LRRC56: variants seen among roughly 807,000 people sequenced by gnomAD.
LRRC56 encodes leucine rich repeat containing 56.
LRRC56 carries 41 observed loss-of-function variants against 47.8 expected under a neutral mutation model. The ratio of observed to expected loss-of-function variants is 0.86; its 90% confidence interval spans 0.67 to 1.11. The LOEUF is 1.11. Among genes scored for constraint, LRRC56 ranks in the 50% most tolerant of loss-of-function variants. The probability of loss-of-function intolerance (pLI) is 0.00; values close to 1 mark genes in which losing one functional copy is unlikely to be tolerated. For synonymous variants in LRRC56, 387 were observed against 311.2 expected (o/e 1.24, Z -2.56); for missense variants, 759 against 704.2 (o/e 1.08, Z -0.88).
chr11:521,027 T>TAA, the LRRC56 span, among the ~76,000 whole-genome samples: 1 of 152,362 alleles, frequency 6.6e-6, no homozygotes, highest in African/African-American at 2.4e-5. Context: ...CTTGTCTGAC[T>TAA]TTATGCAAAC....
At position 550,063 on chromosome 11, in the gene LRRC56, G is replaced by A. The variant is rs201091147; in HGVS notation, c.424-9G>A. ...GCCGGGCCCTGGCTCAGAGCCCCGCGCTGCCCAGGAACTCTACGCCTCCTA... is the reference window on the plus strand; with the variant it reads ...GCCGGGCCCTGGCTCAGAGCCCCGCACTGCCCAGGAACTCTACGCCTCCTA... On this transcript the variant is annotated splice_polypyrimidine_tract_variant and intron_variant, in intron 7 of 13. Coordinates refer to ENST00000270115, the MANE Select transcript of LRRC56 (RefSeq NM_198075.4). 3,498 of 1,611,480 alleles carry A rather than the reference G, an allele frequency of 2.2e-3. 4 individuals are homozygous for A. The highest frequency in any genetic ancestry group is 2.8e-3 in the Non-Finnish European group (3,282 of 1,178,596).
At chr11:535,265 G>A (rs1204474628), upstream of LRRC56, 1 of 144,204 alleles carries the variant, frequency 6.9e-6, no homozygotes, top group Non-Finnish European at 1.5e-5. Context: ...ACCTGTGCCC[G>A]CGGGCCCCGC....
chr11:516,047 C>A, the LRRC56 span, among the ~76,000 whole-genome samples: 1,802 of 152,268 alleles, frequency 0.012, 47 homozygotes, highest in African/African-American at 0.041. Context: ...TTCCACTGAT[C>A]TATTTGTCTA....
upstream of LRRC56, chr11:532,709 T>C (rs1851180327): frequency 6.2e-7 from 1 of 1,613,170 alleles, no homozygotes. Flanking sequence ...CCGCAGCTTG[T>C]GCTGCCGGAT....
Position 541,397 on chromosome 11 carries a change from G to A in LRRC56, c.178-140G>A. The A allele has an allele frequency of 2.1e-6, 1 of 479,246 alleles. No individual in the cohort carries two copies. The highest frequency in any genetic ancestry group is 4.1e-5 in the South Asian group (1 of 24,252). 29.7% of individuals were successfully genotyped at this position (479,246 alleles called of 1,614,324 possible). A position where few individuals can be genotyped will look rare whatever the true frequency, so the allele number is the denominator to read the frequency against. On this transcript the variant is annotated intron_variant, in intron 4 of 13. Coordinates refer to ENST00000270115, the MANE Select transcript of LRRC56 (RefSeq NM_198075.4). This position sits in a 1 kb window ranked among gnomAD's most constrained non-coding sequence, Gnocchi z 4.1. ...ACATCCACTCCCATCCCACCACCCA[G>A]GCCAGGGCCAACATGGCCCAGGCAG...
chr11:533,255 C>T (rs1166841587), upstream of LRRC56: 2 of 1,557,560 alleles, frequency 1.3e-6, no homozygotes, highest in South Asian at 1.2e-5. Context: ...CCCTCACTGC[C>T]CTGCCGTCCC....
In LRRC56 at chr11:551,719, G is replaced by A. The variant is rs1284212740; in HGVS notation, c.865G>A (p.Ala289Thr). ...GTCCCTGCCTGAGACGCAGTCCCGG[G>A]CCTCCAGGCCCTGGCCCTTCTCCCT... The part of the protein sequence containing the change: ...ELSLPETQSR[A>T]SRPWPFSLLV... Residue 289 changes from alanine (A) to threonine (T), a missense_variant, in exon 10 of 14, where the codon GCC (alanine) becomes ACC (threonine). Coordinates refer to ENST00000270115, the MANE Select transcript of LRRC56 (RefSeq NM_198075.4). The A allele has an allele frequency of 7.4e-6, 12 of 1,611,116 alleles. No homozygotes were observed. The highest frequency in any genetic ancestry group is 1.0e-5 in the Non-Finnish European group (12 of 1,179,122).
the LRRC56 span, among the ~76,000 whole-genome samples, chr11:522,338 T>C: frequency 6.6e-6 from 1 of 152,208 alleles, no homozygotes; most frequent in African/African-American, 2.4e-5. Flanking sequence ...CGATCTCAGC[T>C]CACTGCAAGC....
At chr11:518,167 T>C in the LRRC56 span, among the ~76,000 whole-genome samples, 3 of 151,850 alleles carry the variant, frequency 2.0e-5, no homozygotes, top group Admixed American at 6.6e-5. Flanking sequence ...GATCAATAAA[T>C]AAAAAATAAT....
chr11:552,162 C>A lies in LRRC56; in HGVS notation c.1111C>A (p.Pro371Thr). Residue 371 changes from proline to threonine, a missense_variant, in exon 12 of 14, where the codon CCT (proline) becomes ACT (threonine). Physicochemically the swap from Pro to Thr is conservative, Grantham distance 38. Transcript: ENST00000270115. ...GGCCGCCAGCACTTCCACCCCAGAG[C>A]CTGACCCTGCAGACAGCTCTGACTT... ...DPAASTSTPE[P>T]DPADSSDFLA... 1.9e-6 allele frequency: 3 copies of A among 1,612,654 alleles called. No individual in the cohort carries two copies. The highest frequency in any genetic ancestry group is 2.5e-6 in the Non-Finnish European group (3 of 1,179,876).
intron 3 of LRRC56, among the ~76,000 whole-genome samples, chr11:540,031 C>T (rs973668007): frequency 6.6e-6 from 1 of 152,238 alleles, no homozygotes; most frequent in African/African-American, 2.4e-5. Flanking sequence ...GTGACCTCAG[C>T]CTGGCCCATT....
upstream of LRRC56, chr11:535,266 C>G (rs1386805699): frequency 1.4e-5 from 2 of 144,286 alleles, no homozygotes; most frequent in Admixed American, 6.9e-5. Flanking sequence ...CCTGTGCCCG[C>G]GGGCCCCGCC....
intron 13 of LRRC56, 86 bp from the exon 14 acceptor site, chr11:553,877 G>A: frequency 8.0e-7 from 1 of 1,256,530 alleles, no homozygotes; most frequent in South Asian, 1.3e-5. Flanking sequence ...GGGCTGCAGG[G>A]CCACGGGTGG....
At chr11:545,127 C>A (rs1227204217) in intron 6 of LRRC56, among the ~76,000 whole-genome samples, 3 of 152,224 alleles carry the variant, frequency 2.0e-5, no homozygotes, top group Non-Finnish European at 2.9e-5. Flanking sequence ...TGCCGTGTGA[C>A]CCCTACACAT....
chr11:533,360 T>C (rs773142165), upstream of LRRC56: 1 of 1,606,562 alleles, frequency 6.2e-7, no homozygotes. Flanking sequence ...GCGGCTGCCC[T>C]GTGTCAAGGG....
At chr11:533,203 C>A, upstream of LRRC56, 1 of 1,333,992 alleles carries the variant, frequency 7.5e-7, no homozygotes, top group Non-Finnish European at 1.0e-6. Flanking sequence ...GCTGTGTCGG[C>A]CCAGGACTGC....
At chr11:507,514 C>T in the LRRC56 span, among the ~76,000 whole-genome samples, 2 of 152,074 alleles carry the variant, frequency 1.3e-5, no homozygotes, top group Admixed American at 6.5e-5. Context: ...TGTTGTGGGC[C>T]TCGCACTGGC....
At chr11:544,097 C>T (rs1292845528) in intron 5 of LRRC56, among the ~76,000 whole-genome samples, 2 of 152,354 alleles carry the variant, frequency 1.3e-5, no homozygotes, top group Non-Finnish European at 2.9e-5. Flanking sequence ...CTCACAGGGG[C>T]ATATGCCCCA....
chr11:533,689 G>A (rs2133988854), upstream of LRRC56: 2 of 1,611,624 alleles, frequency 1.2e-6, no homozygotes, highest in Non-Finnish European at 8.5e-7. Flanking sequence ...GAGAGGACAG[G>A]AGGCCCCTGC....
Sources: allele counts gnomAD v4.1 joint callset (sites outside exome capture counted in the v4.1 genomes callset), GRCh38; gene constraint gnomAD v4.1.1; non-coding constraint Gnocchi (gnomAD v3.1); transcripts MANE v1.5; gene names NCBI Gene and HGNC (gene_info 2026-07-23, HGNC 2026-07-21).